Variants in PRKG1 observed in about 807,000 individuals in gnomAD.
PRKG1 encodes protein kinase cGMP-dependent 1.
In PRKG1, 35 loss-of-function variants were observed where a neutral mutation model predicts 88.1. The ratio of observed to expected loss-of-function variants is 0.40; its 90% CI spans 0.30 to 0.53. The LOEUF (loss-of-function observed/expected upper bound fraction) is 0.53, where lower values mean the gene tolerates loss of function less well. PRKG1 is among the 20% of genes least tolerant of loss of function. The pLI, the probability that PRKG1 is intolerant of heterozygous loss-of-function variation, is 0.59. For missense variants in PRKG1, 540 were observed against 839.8 expected, an observed-to-expected ratio of 0.64 and a Z score of 4.41; for synonymous variants, 303 against 292.5, an observed-to-expected ratio of 1.04 and a Z score of -0.37.
chr10:52,106,997 G>T (rs1208651618), intron 7 of PRKG1, among the ~76,000 whole-genome samples: 1 of 152,116 alleles, frequency 6.6e-6, no homozygotes, highest in Non-Finnish European at 1.5e-5. Context: ...AGGAAGCTTT[G>T]CTTTATCTTT....
intron 2 of PRKG1, among the ~76,000 whole-genome samples, chr10:51,167,199 C>A (rs570585634): frequency 6.6e-6 from 1 of 152,110 alleles, no homozygotes; most frequent in Admixed American, 6.6e-5. Flanking sequence ...GAAAGAGAAT[C>A]GTGGAGGCAA....
intron 3 of PRKG1, among the ~76,000 whole-genome samples, chr10:51,534,679 A>G (rs1007147637): frequency 9.9e-5 from 15 of 150,864 alleles, no homozygotes; most frequent in African/African-American, 3.6e-4. Flanking sequence ...AAAAAAAAAA[A>G]AAAGAAAGAA....
intron 2 of PRKG1, among the ~76,000 whole-genome samples, chr10:51,258,912 G>A (rs1839633161): frequency 6.6e-6 from 1 of 152,134 alleles, no homozygotes; most frequent in Admixed American, 6.5e-5. Flanking sequence ...TTTAGTGCTA[G>A]CCAGATCACT....
At position 51,370,898 on chromosome 10, in the gene PRKG1, A is replaced by G. The variant is rs112557659; in HGVS notation, c.479-96825A>G. ...GCGTAGGGACTGTAATGGACAGTGTAGTTATAGAGTAAAAACCAGCTCTAC... is the reference window on the plus strand; with the variant it reads ...GCGTAGGGACTGTAATGGACAGTGTGGTTATAGAGTAAAAACCAGCTCTAC... On this transcript the variant is annotated intron_variant, in intron 2 of 17. Transcript: ENST00000373980. Among the ~76,000 whole-genome samples the G allele has an allele frequency of 2.7e-3, 409 of 152,194 alleles. 2 individuals carry two copies. The highest frequency in any genetic ancestry group is 9.2e-3 in the African/African-American group (383 of 41,544).
At chr10:51,572,573 A>T (rs938007489) in intron 3 of PRKG1, among the ~76,000 whole-genome samples, 1 of 151,946 alleles carries the variant, frequency 6.6e-6, no homozygotes, top group East Asian at 1.9e-4. Flanking sequence ...TTCTATTTGC[A>T]AAGTATGGTT....
intron 5 of PRKG1, among the ~76,000 whole-genome samples, chr10:52,052,411 T>C (rs1846008467): frequency 1.4e-5 from 2 of 147,862 alleles, no homozygotes; most frequent in South Asian, 4.3e-4. Context: ...AACCTCTCTC[T>C]ACAAAAAAAA....
intron 3 of PRKG1, among the ~76,000 whole-genome samples, chr10:51,602,730 ATATGTG>A (rs772006501): frequency 2.2e-4 from 9 of 41,812 alleles, no homozygotes; most frequent in African/African-American, 4.5e-4. Context: ...TGATTAATAT[ATATGTG>A]TGTGTGTGTG....
intron 6 of PRKG1, among the ~76,000 whole-genome samples, chr10:52,061,716 T>C (rs1846240080): frequency 6.6e-6 from 1 of 152,092 alleles, no homozygotes; most frequent in East Asian, 1.9e-4. Context: ...TTAAGGGCAT[T>C]TTATTTATTA....
At chr10:51,109,434 A>C (rs1409825690) in intron 1 of PRKG1, among the ~76,000 whole-genome samples, 1 of 152,114 alleles carries the variant, frequency 6.6e-6, no homozygotes, top group Non-Finnish European at 1.5e-5. Flanking sequence ...CCCCCAACAC[A>C]TATATAGATA....
intron 4 of PRKG1, among the ~76,000 whole-genome samples, chr10:51,884,904 A>C (rs1010671916): frequency 3.3e-5 from 5 of 152,124 alleles, no homozygotes; most frequent in Non-Finnish European, 5.9e-5. Context: ...GAAGTGGCAA[A>C]GTGTTTGGAA....
intron 3 of PRKG1, among the ~76,000 whole-genome samples, chr10:51,798,678 T>C (rs545960648): frequency 1.3e-5 from 2 of 152,206 alleles, no homozygotes; most frequent in African/African-American, 4.8e-5. Flanking sequence ...TTATGCTTTT[T>C]TGTTATAGCA....
At chr10:51,374,733 G>A (rs999374482) in intron 2 of PRKG1, among the ~76,000 whole-genome samples, 7 of 152,176 alleles carry the variant, frequency 4.6e-5, no homozygotes, top group East Asian at 3.9e-4. Context: ...CCTCCAGAAC[G>A]GTAAGAAATA....
chr10:52,172,615 T>C (rs565817760), intron 9 of PRKG1, among the ~76,000 whole-genome samples: 6 of 152,336 alleles, frequency 3.9e-5, no homozygotes, highest in Admixed American at 3.9e-4. Flanking sequence ...TTTGAAAAAA[T>C]AATTATCTCT....
At chr10:51,814,505 A>T (rs1589312326) in intron 4 of PRKG1, among the ~76,000 whole-genome samples, 2 of 152,276 alleles carry the variant, frequency 1.3e-5, no homozygotes, top group East Asian at 3.9e-4. Flanking sequence ...GAGCTTTAAT[A>T]GAGCTTTTCT....
At position 51,212,054 on chromosome 10, in the gene PRKG1, G is replaced by A. The variant is rs866278278; in HGVS notation, c.478+58724G>A. ...CAAAGCTGGAGGCATCACACTACCT[G>A]ACTTCAAACTATACTACAAGGCTAC... On this transcript the variant is annotated intron_variant, in intron 2 of 17. Transcript: ENST00000373980. Among the ~76,000 whole-genome samples, 508 of 152,184 alleles carry A rather than the reference G, an allele frequency of 3.3e-3. No homozygotes were observed. In the Middle Eastern group the frequency reaches 0.051, roughly 15 times the overall value.
At chr10:52,082,222 A>G (rs1589590516) in intron 7 of PRKG1, among the ~76,000 whole-genome samples, 1 of 152,012 alleles carries the variant, frequency 6.6e-6, no homozygotes, top group South Asian at 2.1e-4. Context: ...TGATTAAATT[A>G]CCTCCCATTG....
intron 3 of PRKG1, among the ~76,000 whole-genome samples, chr10:51,572,748 A>G (rs963851363): frequency 1.8e-4 from 28 of 151,644 alleles, no homozygotes; most frequent in African/African-American, 6.5e-4. Flanking sequence ...AGTGATTCTG[A>G]TATGCACGAT....
chr10:51,591,707 C>T (rs1251813572), intron 3 of PRKG1, among the ~76,000 whole-genome samples: 1 of 152,024 alleles, frequency 6.6e-6, no homozygotes, highest in South Asian at 2.1e-4. Context: ...CTTTCGTTCC[C>T]ATTTGAATAT....
chr10:51,161,781 T>C (rs1846369910), intron 2 of PRKG1, among the ~76,000 whole-genome samples: 1 of 152,212 alleles, frequency 6.6e-6, no homozygotes, highest in Admixed American at 6.5e-5. Flanking sequence ...TTTGAGAGAA[T>C]GGCAGATTGG....
Sources: allele counts gnomAD v4.1 joint callset (sites outside exome capture counted in the v4.1 genomes callset), GRCh38; gene constraint gnomAD v4.1.1; transcripts MANE v1.5; gene names NCBI Gene and HGNC (gene_info 2026-07-23, HGNC 2026-07-21).